DUSP15: variants seen among roughly 807,000 people sequenced by gnomAD.
The protein encoded by DUSP15 is dual specificity phosphatase 15.
DUSP15 carries 23 observed loss-of-function variants against 26.3 expected under a neutral mutation model. The ratio of observed to expected loss-of-function variants is 0.87; its 90% CI spans 0.63 to 1.24. DUSP15 has a LOEUF of 1.24. Ranked by LOEUF, DUSP15 falls within the 50% of genes most tolerant of loss-of-function variation. The pLI is 0.00. For missense variants in DUSP15, 364 were observed against 320.6 expected, an observed-to-expected ratio of 1.14 and a Z score of -1.03; for synonymous variants, 143 against 135.5, an observed-to-expected ratio of 1.06 and a Z score of -0.39.
intron 7 of DUSP15, chr20:31,849,927 TCG>T: frequency 7.0e-7 from 1 of 1,424,536 alleles, no homozygotes. Flanking sequence ...CTAGCTCCCC[TCG>T]CCTTCTTACC....
chr20:31,848,046 G>C (rs2062396132), exon 10 of DUSP15: 1 of 207,606 alleles, frequency 4.8e-6, no homozygotes, highest in East Asian at 1.3e-4. Flanking sequence ...CTAATTATTG[G>C]TAAAAACTTT....
At chr20:31,848,775 C>T in intron 9 of DUSP15, 1 of 1,595,560 alleles carries the variant, frequency 6.3e-7, no homozygotes, top group Non-Finnish European at 8.5e-7. Flanking sequence ...GGAGGGCGTG[C>T]TTCTTGGCTG....
At chr20:31,850,822 G>A in intron 6 of DUSP15, 1 of 834,676 alleles carries the variant, frequency 1.2e-6, no homozygotes. Context: ...AGGATGGGTG[G>A]TAGTAAGGAA....
At chr20:31,845,672 AG>A (rs901356969), downstream of DUSP15, 1 of 1,149,592 alleles carries the variant, frequency 8.7e-7, no homozygotes, top group Admixed American at 2.4e-5. Flanking sequence ...AAAGGCAAAA[AG>A]GGGTGGGTCT....
chr20:31,848,439 G>C, exon 10 of DUSP15: 1 of 1,612,122 alleles, frequency 6.2e-7, no homozygotes, highest in Non-Finnish European at 8.5e-7. Context: ...GCTCGCTTAG[G>C]ATGGAGGCAG....
At chr20:31,849,821 G>C (rs527250119) in exon 8 of DUSP15, 7 of 1,528,400 alleles carry the variant, frequency 4.6e-6, no homozygotes, top group East Asian at 4.9e-5. Flanking sequence ...TGTGCGCCCG[G>C]TGGCTTCGCG....
exon 8 of DUSP15, chr20:31,849,845 G>T (rs1350205142): frequency 3.9e-6 from 6 of 1,523,658 alleles, no homozygotes; most frequent in Non-Finnish European, 5.2e-6. Context: ...CAGCGCTGCG[G>T]AGAGAAGAGC....
chr20:31,867,794 G>A lies in DUSP15; in HGVS notation c.56-641C>T, dbSNP rs940178690. Reference sequence around the variant, plus strand: ...GGAGTAGCTGGGACTACAGGCTCCCGCCACCACACCCGGCTAATTTTTTTG... The same window carrying A: ...GGAGTAGCTGGGACTACAGGCTCCCACCACCACACCCGGCTAATTTTTTTG... On this transcript the variant is annotated intron_variant, in intron 2 of 6. Coordinates refer to ENST00000339738, the MANE Select transcript of DUSP15 (RefSeq NM_080611.5). 2.6e-5 allele frequency among the ~76,000 whole-genome samples: 4 copies of A among 151,914 alleles called. No individual in the cohort carries two copies. In the East Asian group the frequency reaches 5.8e-4, roughly 22 times the overall value.
At chr20:31,867,639 T>TTTTG (rs2062800399) in intron 2 of DUSP15, among the ~76,000 whole-genome samples, 1 of 41,530 alleles carries the variant, frequency 2.4e-5, no homozygotes, top group African/African-American at 1.0e-4. Context: ...ATGTTTTTTT[T>TTTTG]TTTTTTTTTT....
downstream of DUSP15, among the ~76,000 whole-genome samples, chr20:31,858,909 C>T (rs1568673050): frequency 6.6e-6 from 1 of 152,290 alleles, no homozygotes; most frequent in East Asian, 1.9e-4. This position sits in a 1 kb window ranked among gnomAD's most constrained non-coding sequence, Gnocchi z 4.4. Flanking sequence ...TGAGTTCCCC[C>T]GTGAGGTTCT....
rs2062896882 is a variant in DUSP15 at position 31,870,409 on chromosome 20, G to A, written c.-72C>T. On this transcript the variant is annotated 5_prime_UTR_variant, in exon 1 of 7. Coordinates refer to ENST00000339738, the MANE Select transcript of DUSP15 (RefSeq NM_080611.5). The surrounding 1 kb of genome is among the most constrained non-coding windows in gnomAD (Gnocchi z 6.6). Reference sequence around the variant, plus strand: ...GAAGCGATCCGGTCACAGCTGCCCTGACGGCCCAGGCCCGACGCCTGCAGC... The same window carrying A: ...GAAGCGATCCGGTCACAGCTGCCCTAACGGCCCAGGCCCGACGCCTGCAGC... 7.8e-7 allele frequency: 1 copy of A among 1,286,206 alleles called. No individual in the cohort carries two copies. Among genetic ancestry groups the A allele is most frequent in the African/African-American group, 1.5e-5 (1 of 65,644 alleles). 79.7% of individuals were successfully genotyped at this position (1,286,206 alleles called of 1,614,324 possible). A position where few individuals can be genotyped will look rare whatever the true frequency, so the allele number is the denominator to read the frequency against.
rs2062897902 is a variant in DUSP15, at chr20:31,870,443, G to A, written c.-106C>T. 1.5e-6 allele frequency: 2 copies of A among 1,291,032 alleles called. No individual in the cohort carries two copies. The highest frequency in any genetic ancestry group is 9.8e-7 in the Non-Finnish European group (1 of 1,023,784). The allele number at this position is 1,291,032 out of a possible 1,614,324, so 80.0% of individuals were successfully genotyped here. A position where few individuals can be genotyped will look rare whatever the true frequency, so the allele number is the denominator to read the frequency against. On this transcript the variant is annotated 5_prime_UTR_variant, in exon 1 of 7. Transcript: ENST00000339738. This position sits in a 1 kb window ranked among gnomAD's most constrained non-coding sequence, Gnocchi z 6.6. ...GGCCCGACGCCTGCAGCCTGGCGGG[G>A]AACGGGGGGCCTGGCGTCCGCGGCC...
At chr20:31,849,724 TC>T in intron 8 of DUSP15, 2 of 1,537,740 alleles carry the variant, frequency 1.3e-6, no homozygotes, top group Non-Finnish European at 1.7e-6. Flanking sequence ...GGGCAATGGG[TC>T]GGGGAAGCGA....
chr20:31,853,701 G>A (rs562390520), intron 6 of DUSP15, among the ~76,000 whole-genome samples: 8 of 151,328 alleles, frequency 5.3e-5, no homozygotes, highest in East Asian at 2.0e-4. Flanking sequence ...TCCTGGGTTC[G>A]AGTGATCCTC....
At chr20:31,860,239 C>G (rs1333365454), downstream of DUSP15, among the ~76,000 whole-genome samples, 10 of 152,188 alleles carry the variant, frequency 6.6e-5, no homozygotes, top group Admixed American at 6.5e-4. Flanking sequence ...TTTTGTCCAT[C>G]CTCCAACTCC....
At chr20:31,870,617 G>C, upstream of DUSP15, 2 of 1,363,064 alleles carry the variant, frequency 1.5e-6, no homozygotes, top group East Asian at 2.8e-5. The surrounding 1 kb of genome is among the most constrained non-coding windows in gnomAD (Gnocchi z 6.6). Context: ...TCGCGGCGGG[G>C]GGCCGGACAA....
intron 3 of DUSP15, among the ~76,000 whole-genome samples, chr20:31,865,209 G>A (rs1468365144): frequency 6.6e-6 from 1 of 152,108 alleles, no homozygotes; most frequent in Admixed American, 6.6e-5. Context: ...CTAAGCACAT[G>A]GTGTCTCCTA....
intron 6 of DUSP15, 139 bp downstream of exon 6, chr20:31,862,432 C>T: frequency 9.9e-7 from 1 of 1,014,268 alleles, no homozygotes; most frequent in South Asian, 1.7e-5. Context: ...GGTGGATTAG[C>T]TCAAAGGCCA....
chr20:31,850,100 AG>A (rs1230993704), intron 7 of DUSP15, among the ~76,000 whole-genome samples: 2 of 152,236 alleles, frequency 1.3e-5, no homozygotes, highest in African/African-American at 4.8e-5. Context: ...TGCGGTTAAA[AG>A]CTGGGGCCAT....
Sources: allele counts gnomAD v4.1 joint callset (sites outside exome capture counted in the v4.1 genomes callset), GRCh38; gene constraint gnomAD v4.1.1; non-coding constraint Gnocchi (gnomAD v3.1); transcripts MANE v1.5; gene names NCBI Gene and HGNC (gene_info 2026-07-23, HGNC 2026-07-21).